The following RGS6 variants were observed in gnomAD, a reference collection of about 807,000 sequenced individuals.
RGS6 encodes regulator of G protein signaling 6.
Under a neutral mutation model 78.5 loss-of-function variants are expected in RGS6, and 30 were observed. The ratio of observed to expected loss-of-function variants is 0.38; its 90% confidence interval spans 0.29 to 0.52. The LOEUF is 0.52. RGS6 is among the 20% of genes least tolerant of loss of function. The probability of loss-of-function intolerance (pLI) is 0.85; values close to 1 mark genes in which losing one functional copy is unlikely to be tolerated. For missense variants in RGS6, 495 were observed against 609.7 expected (o/e 0.81, Z 1.98); for synonymous variants, 206 against 206.0 (o/e 1.00, Z 0.00).
intron 2 of RGS6, among the ~76,000 whole-genome samples, chr14:72,325,429 A>C (rs1470751701): frequency 1.3e-5 from 2 of 152,128 alleles, no homozygotes; most frequent in Non-Finnish European, 2.9e-5. Flanking sequence ...GTCCTTGCCC[A>C]TGCCTATGTC....
intron 15 of RGS6, among the ~76,000 whole-genome samples, chr14:72,522,406 G>A (rs1406522068): frequency 6.6e-6 from 1 of 152,064 alleles, no homozygotes; most frequent in African/African-American, 2.4e-5. Context: ...TCCACAACAG[G>A]GCGATTTTGC....
chr14:71,994,443 C>T (rs12884777), intron 2 of RGS6, among the ~76,000 whole-genome samples: 37,076 of 151,808 alleles, frequency 0.24, 4,665 homozygotes, highest in Admixed American at 0.25. Context: ...AGGTAAATGA[C>T]GACATACCTT....
chr14:71,932,318 C>T (rs1160961430), upstream of RGS6: 1 of 148,448 alleles, frequency 6.7e-6, no homozygotes, highest in Non-Finnish European at 1.5e-5. Context: ...CGGTCCGGGC[C>T]CAGGTGCCGG....
the RGS6 span, among the ~76,000 whole-genome samples, chr14:72,624,223 A>C: frequency 6.8e-3 from 1,036 of 152,176 alleles, 13 homozygotes; most frequent in African/African-American, 0.024. Flanking sequence ...ATATTAACAT[A>C]TTATATTACT....
chr14:72,015,489 C>T (rs538622632), intron 2 of RGS6, among the ~76,000 whole-genome samples: 16 of 152,194 alleles, frequency 1.1e-4, no homozygotes, highest in African/African-American at 3.9e-4. Flanking sequence ...CAAGAGTCTT[C>T]ATCTGTTCAC....
At chr14:72,338,087 T>C (rs2076365328) in intron 2 of RGS6, among the ~76,000 whole-genome samples, 2 of 152,242 alleles carry the variant, frequency 1.3e-5, no homozygotes, top group African/African-American at 2.4e-5. Context: ...GGCCTCCCCT[T>C]GACAAGGTGC....
chr14:71,984,228 C>T (rs1399544770), intron 2 of RGS6, among the ~76,000 whole-genome samples: 2 of 147,880 alleles, frequency 1.4e-5, no homozygotes, highest in Non-Finnish European at 3.0e-5. Context: ...TTAAGTGGTG[C>T]TATCAGAATT....
intron 2 of RGS6, among the ~76,000 whole-genome samples, chr14:71,987,776 C>G (rs1487421146): frequency 1.3e-5 from 2 of 152,152 alleles, no homozygotes; most frequent in African/African-American, 4.8e-5. Context: ...CCCTCCTCAG[C>G]CTCCCAACAT....
At chr14:72,016,302 G>C (rs2086955792) in intron 2 of RGS6, among the ~76,000 whole-genome samples, 1 of 152,122 alleles carries the variant, frequency 6.6e-6, no homozygotes, top group South Asian at 2.1e-4. Context: ...TTTTCCCACT[G>C]TCATACACCA....
intron 2 of RGS6, among the ~76,000 whole-genome samples, chr14:72,324,359 C>T (rs2073083786): frequency 6.6e-6 from 1 of 151,782 alleles, no homozygotes; most frequent in African/African-American, 2.4e-5. Flanking sequence ...TTACAAAGGA[C>T]TATTCTTTTT....
intron 2 of RGS6, among the ~76,000 whole-genome samples, chr14:72,162,514 G>A (rs1457890445): frequency 1.3e-5 from 2 of 152,194 alleles, no homozygotes; most frequent in Non-Finnish European, 2.9e-5. Context: ...GGCCAGTCCA[G>A]GAGATGGTCC....
intron 9 of RGS6, 50 bp downstream of exon 9, chr14:72,473,003 T>C: frequency 7.4e-7 from 1 of 1,343,374 alleles, no homozygotes; most frequent in Non-Finnish European, 1.0e-6. Context: ...TAATTGTTCA[T>C]TTTTATCTCT....
At chr14:72,548,348 CGTGTGTGTGT>C (rs59943776) in intron 17 of RGS6, among the ~76,000 whole-genome samples, 1 of 129,464 alleles carries the variant, frequency 7.7e-6, no homozygotes, top group Admixed American at 8.0e-5. Flanking sequence ...TGTGTGCGCG[CGTGTGTGTGT>C]GTGTGTGTGT....
intron 17 of RGS6, chr14:72,550,624 AGAAG>A: frequency 6.5e-7 from 1 of 1,528,080 alleles, no homozygotes; most frequent in Non-Finnish European, 8.8e-7. Flanking sequence ...GGTTAATACT[AGAAG>A]GTTCTGAGGC....
the RGS6 span, among the ~76,000 whole-genome samples, chr14:71,876,459 G>A: frequency 7.7e-6 from 1 of 129,932 alleles, no homozygotes; most frequent in African/African-American, 3.0e-5. Context: ...CAGAGACTAG[G>A]TTTGCAACCG....
chr14:72,581,906 G>A, the RGS6 span, among the ~76,000 whole-genome samples: 71 of 152,324 alleles, frequency 4.7e-4, no homozygotes, highest in Admixed American at 1.4e-3. Context: ...TTAGCTCATG[G>A]TTCTGCAGGC....
intron 2 of RGS6, among the ~76,000 whole-genome samples, chr14:72,058,260 A>T (rs1357425513): frequency 6.6e-6 from 1 of 152,168 alleles, no homozygotes; most frequent in Non-Finnish European, 1.5e-5. Context: ...GCAATATAAT[A>T]GCTGCCAATT....
chr14:71,889,424 AT>A, the RGS6 span, among the ~76,000 whole-genome samples: 1 of 152,102 alleles, frequency 6.6e-6, no homozygotes, highest in Non-Finnish European at 1.5e-5. Flanking sequence ...TGGAGTGTGG[AT>A]TTTTTTCCCT....
intron 17 of RGS6, among the ~76,000 whole-genome samples, chr14:72,549,729 G>T (rs1217697701): frequency 6.6e-6 from 1 of 152,146 alleles, no homozygotes; most frequent in Non-Finnish European, 1.5e-5. Context: ...AGGTGTGGTG[G>T]CACATGCCTA....
Sources: gnomAD v4.1 joint callset for allele counts (sites outside exome capture counted in the v4.1 genomes callset) on GRCh38, gnomAD v4.1.1 for gene constraint, MANE v1.5 for transcripts, NCBI Gene and HGNC (gene_info 2026-07-23, HGNC 2026-07-21) for gene names.